Variants in COL8A2 observed in about 807,000 individuals in gnomAD.
The protein encoded by COL8A2 is collagen alpha-2(VIII) chain.
In COL8A2, 16 loss-of-function variants were observed where a neutral mutation model predicts 24.0. That is an observed-to-expected ratio of 0.67 (90% CI 0.45 to 1.01). The LOEUF is 1.01. COL8A2 is among the 50% of genes least tolerant of loss of function. The probability of loss-of-function intolerance (pLI) is 0.00; values close to 1 mark genes in which losing one functional copy is unlikely to be tolerated. For missense variants in COL8A2, 818 were observed against 942.4 expected (o/e 0.87, Z 1.73); for synonymous variants, 466 against 424.5 (o/e 1.10, Z -1.20).
chr1:36,097,515 G>A lies in COL8A2; in HGVS notation c.*54C>T, dbSNP rs1570021602. The A allele has an allele frequency of 7.3e-7, 1 of 1,377,156 alleles. No homozygotes were observed. The highest frequency in any genetic ancestry group is 1.0e-6 in the Non-Finnish European group (1 of 998,556). The allele number at this position is 1,377,156 out of a possible 1,614,324, so 85.3% of individuals were successfully genotyped here. On this transcript the variant is annotated 3_prime_UTR_variant, in exon 4 of 4. Transcript: ENST00000397799. The stretch of plus-strand genomic sequence containing the variant: ...CAGGAGGTTCTTTGTAATTGAAAAG[G>A]TCGCTCTACCACTAAAGGGGAGGAG...
At chr1:36,121,504 T>A (rs893383907) in intron 1 of COL8A2, among the ~76,000 whole-genome samples, 1 of 150,144 alleles carries the variant, frequency 6.7e-6, no homozygotes, top group Non-Finnish European at 1.5e-5. Context: ...GCGGATCACC[T>A]GAGGTCAGGT....
At chr1:36,101,063 C>A (rs1643673468) in intron 2 of COL8A2, among the ~76,000 whole-genome samples, 1 of 151,892 alleles carries the variant, frequency 6.6e-6, no homozygotes. Context: ...CTGGCTAATT[C>A]TTGTATTTTT....
rs570092617 is a variant in COL8A2, at chr1:36,095,460, A to T, written c.*2109T>A. On this transcript the variant is annotated 3_prime_UTR_variant, in exon 4 of 4. Transcript: ENST00000397799. Reference sequence around the variant, plus strand: ...ATTTAAACTTTAATCTTAAAAAAAAAATAGGAATCAATATAAAAATGCACA... The same window carrying T: ...ATTTAAACTTTAATCTTAAAAAAAATATAGGAATCAATATAAAAATGCACA... The T allele has an allele frequency of 1.3e-5, 2 of 152,316 alleles. No homozygotes were observed. The highest frequency in any genetic ancestry group is 2.1e-4 in the South Asian group (1 of 4,818). The allele number at this position is 152,316 out of a possible 1,614,324, so 9.4% of individuals were successfully genotyped here.
rs1188732681 is a variant in COL8A2, at chr1:36,099,177, G to A, written c.504C>T (p.Gly168=). The change falls in exon 4 of 4, where the codon GGC becomes GGT. Residue 168 remains glycine, a synonymous_variant. Coordinates refer to ENST00000397799, the MANE Select transcript of COL8A2 (RefSeq NM_005202.4). ...CACCTGGTTTTCCAGGGATAGTAAT[G>A]CCTGAGGGGCCCGGGAGGCCAGGGG... ...PGPPGLPGPS[G]ITIPGKPGAQ... 1.3e-6 allele frequency: 2 copies of A among 1,506,734 alleles called. No homozygotes were observed. Among genetic ancestry groups the A allele is most frequent in the Non-Finnish European group, 1.8e-6 (2 of 1,126,772 alleles). The allele number at this position is 1,506,734 out of a possible 1,614,324, so 93.3% of individuals were successfully genotyped here. A position where few individuals can be genotyped will look rare whatever the true frequency, so the allele number is the denominator to read the frequency against.
chr1:36,107,999 G>C (rs1379887182), intron 2 of COL8A2, among the ~76,000 whole-genome samples: 1 of 152,128 alleles, frequency 6.6e-6, no homozygotes. Flanking sequence ...CCCCCACTCT[G>C]CCCTGTACAG....
chr1:36,108,504 C>G (rs1643793035), intron 2 of COL8A2, among the ~76,000 whole-genome samples: 1 of 152,242 alleles, frequency 6.6e-6, no homozygotes, highest in Non-Finnish European at 1.5e-5. Flanking sequence ...GACGCTGATT[C>G]AGAGGACGGC....
chr1:36,097,354 T>G lies in COL8A2; in HGVS notation c.*215A>C. ...GGCCTATGGGGTGCAGCCCTGACAC[T>G]GCACAGACATTTGGGGGAAAGAAAC... is the stretch of plus-strand genomic sequence containing the variant. On this transcript the variant is annotated 3_prime_UTR_variant, in exon 4 of 4. Transcript: ENST00000397799. The G allele has an allele frequency of 1.8e-6, 1 of 569,656 alleles. No homozygotes were observed. The highest frequency in any genetic ancestry group is 3.1e-6 in the Non-Finnish European group (1 of 319,160). 35.3% of individuals were successfully genotyped at this position (569,656 alleles called of 1,614,324 possible).
At chr1:36,111,741 G>A (rs1643843350) in intron 2 of COL8A2, among the ~76,000 whole-genome samples, 1 of 151,978 alleles carries the variant, frequency 6.6e-6, no homozygotes, top group Admixed American at 6.6e-5. Context: ...TAAGAGACAG[G>A]GTCTTGCCAC....
Position 36,098,602 on chromosome 1 carries a change from G to T in COL8A2, c.1079C>A (p.Pro360His). ...AAGCCCTGCAGACCCAGGAAGTCCA[G>T]GGGGACCCCCAAGACCCTGTGGGCC... The part of the protein sequence containing the change: ...EQGPQGLGGP[P>H]GLPGSAGLPG... Residue 360 changes from proline (P) to histidine (H), a missense_variant, in exon 4 of 4, where the codon CCT becomes CAT. Physicochemically the swap from Pro to His is moderately conservative, Grantham distance 77. Coordinates refer to ENST00000397799, the MANE Select transcript of COL8A2 (RefSeq NM_005202.4). 1 of 1,610,864 alleles carries T rather than the reference G, an allele frequency of 6.2e-7. No individual in the cohort carries two copies. Among genetic ancestry groups the T allele is most frequent in the East Asian group, 2.2e-5 (1 of 44,752 alleles).
In COL8A2 at chr1:36,101,141, G is replaced by A. The variant is rs1643674583; in HGVS notation, c.-16-883C>T. Among the ~76,000 whole-genome samples, 4 of 152,130 alleles carry A rather than the reference G, an allele frequency of 2.6e-5. No individual in the cohort carries two copies. In the South Asian group the frequency reaches 8.3e-4, roughly 32 times the overall value. The stretch of plus-strand genomic sequence containing the variant: ...ACTCCTGACCTCAGGTGATCCGGCT[G>A]CCTCAGCCTCCCAAAGTGTTAGGAT... On this transcript the variant is annotated intron_variant, in intron 2 of 3. Coordinates refer to ENST00000397799, the MANE Select transcript of COL8A2 (RefSeq NM_005202.4).
At position 36,099,367 on chromosome 1, in the gene COL8A2, G is replaced by A; in HGVS notation, c.314C>T (p.Pro105Leu). 1.3e-6 allele frequency: 2 copies of A among 1,578,692 alleles called. No homozygotes were observed. Among genetic ancestry groups the A allele is most frequent in the Non-Finnish European group, 1.7e-6 (2 of 1,165,756 alleles). Reference protein sequence around the residue: ...GFPGKPGMGKPGLHGQPGPAG... With the variant: ...GFPGKPGMGKLGLHGQPGPAG... ...AGGGCCAGGCTGCCCATGGAGTCCT[G>A]GCTTTCCCATGCCTGGTTTTCCTGG... is the stretch of plus-strand genomic sequence containing the variant. Residue 105 changes from proline to leucine, a missense_variant, in exon 4 of 4, where the codon CCA becomes CTA. By Grantham distance (98) the Pro-to-Leu change is moderately conservative. This residue lies in a region of COL8A2 where 573 missense variants were observed against 616.8 expected (regional missense o/e 0.93). Coordinates refer to ENST00000397799, the MANE Select transcript of COL8A2 (RefSeq NM_005202.4).
chr1:36,124,370 G>A (rs1403457746), intron 1 of COL8A2, among the ~76,000 whole-genome samples: 1 of 152,140 alleles, frequency 6.6e-6, no homozygotes, highest in Non-Finnish European at 1.5e-5. Flanking sequence ...CAGACCCAGG[G>A]CAGAGACACT....
chr1:36,098,226 T>G lies in COL8A2; in HGVS notation c.1455A>C (p.Glu485Asp). The G allele has an allele frequency of 6.5e-7, 1 of 1,540,652 alleles. No homozygotes were observed. The highest frequency in any genetic ancestry group is 8.7e-7 in the Non-Finnish European group (1 of 1,143,900). ...GPQGLPGLKG[E>D]PGLPGPPGEG... Reference sequence around the variant, plus strand: ...CTCCAGGGGGCCCTGGCAGGCCTGGTTCCCCCTTCAGGCCCGGCAGGCCTT... The same window carrying G: ...CTCCAGGGGGCCCTGGCAGGCCTGGGTCCCCCTTCAGGCCCGGCAGGCCTT... The change falls in exon 4 of 4, where the codon GAA becomes GAC. Residue 485 changes from glutamate to aspartate, a missense_variant. Transcript: ENST00000397799.
chr1:36,114,506 C>T (rs893566638), intron 2 of COL8A2, among the ~76,000 whole-genome samples: 9 of 152,108 alleles, frequency 5.9e-5, no homozygotes, highest in Non-Finnish European at 1.3e-4. Context: ...CTGTCCCTGC[C>T]TTTTCCTGCA....
chr1:36,125,084 C>T lies in COL8A2; in HGVS notation c.-89G>A, dbSNP rs1181264987. 1 of 980,494 alleles carries T rather than the reference C, an allele frequency of 1.0e-6. No homozygotes were observed. The highest frequency in any genetic ancestry group is 1.2e-6 in the Non-Finnish European group (1 of 826,976). The allele number at this position is 980,494 out of a possible 1,614,324, so 60.7% of individuals were successfully genotyped here. ...GCGGGCGCGGCCGCCGGGCGCCGCT[C>T]CCGGCCCTCGAGGGCGGCCCGGGCG... On this transcript the variant is annotated 5_prime_UTR_variant, in exon 1 of 4. Coordinates refer to ENST00000397799, the MANE Select transcript of COL8A2 (RefSeq NM_005202.4). The surrounding 1 kb of genome is among the most constrained non-coding windows in gnomAD (Gnocchi z 4.5).
chr1:36,097,662 G>A lies in COL8A2; in HGVS notation c.2019C>T (p.Val673=), dbSNP rs199954041. The A allele has an allele frequency of 1.0e-4, 164 of 1,613,538 alleles. No individual in the cohort carries two copies. Among genetic ancestry groups the A allele is most frequent in the Non-Finnish European group, 1.4e-5 (17 of 1,180,030 alleles). The change falls in exon 4 of 4, where the codon GTC becomes GTT. Residue 673 remains valine, a synonymous_variant. Transcript: ENST00000397799. ...AVLQLRPNDQ[V]WVQMPSDQAN... ...CCTGGTCCGACGGCATCTGCACCCA[G>A]ACCTGGTCGTTGGGCCGCAGCTGGA...
chr1:36,097,373 A>C lies in COL8A2; in HGVS notation c.*196T>G. 1 of 591,764 alleles carries C rather than the reference A, an allele frequency of 1.7e-6. No homozygotes were observed. The allele number at this position is 591,764 out of a possible 1,614,324, so 36.7% of individuals were successfully genotyped here. A position where few individuals can be genotyped will look rare whatever the true frequency, so the allele number is the denominator to read the frequency against. The stretch of plus-strand genomic sequence containing the variant: ...TGACACTGCACAGACATTTGGGGGA[A>C]AGAAACTCAGGCCAGCCCCTTCCAG... On this transcript the variant is annotated 3_prime_UTR_variant, in exon 4 of 4. Coordinates refer to ENST00000397799, the MANE Select transcript of COL8A2 (RefSeq NM_005202.4).
At position 36,110,933 on chromosome 1, in the gene COL8A2, C is replaced by T. The variant is rs151332073; in HGVS notation, c.-17+4775G>A. 1.5e-4 allele frequency among the ~76,000 whole-genome samples: 23 copies of T among 152,274 alleles called. 1 individual carries two copies. The East Asian group carries it at 4.0e-3, about 27-fold the overall frequency. ...GACCTTGGGGAGGAGCAGAGGAACC[C>T]TCCTCACCCTTTGGGCATGACACCC... is the stretch of plus-strand genomic sequence containing the variant. On this transcript the variant is annotated intron_variant, in intron 2 of 3. Transcript: ENST00000397799.
intron 2 of COL8A2, among the ~76,000 whole-genome samples, chr1:36,102,738 C>T (rs1210944603): frequency 7.9e-6 from 1 of 126,728 alleles, no homozygotes; most frequent in African/African-American, 3.0e-5. Context: ...GTGGTGCCAT[C>T]TCAGCTCACT....
Sources: gnomAD v4.1 joint callset for allele counts (sites outside exome capture counted in the v4.1 genomes callset) on GRCh38, gnomAD v4.1.1 for gene constraint, gnomAD v4.1.1 regional missense constraint, Gnocchi (gnomAD v3.1) non-coding constraint, MANE v1.5 for transcripts, NCBI Gene and HGNC (gene_info 2026-07-23, HGNC 2026-07-21) for gene names.